The following NFIB variants were observed in gnomAD, a reference collection of about 807,000 sequenced individuals.
NFIB encodes the protein nuclear factor 1 B-type.
Under a neutral mutation model 61.5 loss-of-function variants are expected in NFIB, and 11 were observed. That is an observed-to-expected ratio of 0.18 (90% CI 0.11 to 0.30). The LOEUF is 0.30. Ranked by LOEUF, NFIB falls within the 10% of genes least tolerant of loss-of-function variation. NFIB has a pLI of 1.00. For missense variants in NFIB, 471 were observed against 608.9 expected (o/e 0.77, Z 2.38); for synonymous variants, 260 against 216.5 (o/e 1.20, Z -1.76).
At chr9:14,425,678 G>C in the NFIB span, among the ~76,000 whole-genome samples, 6 of 93,968 alleles carry the variant, frequency 6.4e-5, no homozygotes, top group African/African-American at 2.5e-4. Context: ...CGAGGTATTT[G>C]TTTTCCCTCA....
At chr9:14,490,882 T>C in the NFIB span, among the ~76,000 whole-genome samples, 4 of 152,250 alleles carry the variant, frequency 2.6e-5, no homozygotes, top group Admixed American at 6.5e-5. Flanking sequence ...ATATATATTT[T>C]GTAACCCTAG....
the NFIB span, among the ~76,000 whole-genome samples, chr9:14,459,048 C>A: frequency 6.6e-6 from 1 of 151,966 alleles, no homozygotes; most frequent in Non-Finnish European, 1.5e-5. Context: ...AAAAAGAGCC[C>A]GCATTGCCAA....
intron 2 of NFIB, among the ~76,000 whole-genome samples, chr9:14,220,237 T>C (rs2051474670): frequency 6.6e-6 from 1 of 152,180 alleles, no homozygotes; most frequent in African/African-American, 2.4e-5. Context: ...TTATTATTGA[T>C]AACAAGGACA....
At chr9:14,405,004 T>C in the NFIB span, among the ~76,000 whole-genome samples, 1 of 152,220 alleles carries the variant, frequency 6.6e-6, no homozygotes, top group South Asian at 2.1e-4. Flanking sequence ...GGCATACAAC[T>C]GTACTGTATT....
intron 6 of NFIB, among the ~76,000 whole-genome samples, chr9:14,135,300 C>T (rs562374858): frequency 1.3e-5 from 2 of 152,240 alleles, no homozygotes; most frequent in African/African-American, 4.8e-5. Flanking sequence ...ATATTGAATC[C>T]TGTTAGGTGT....
the NFIB span, among the ~76,000 whole-genome samples, chr9:14,469,480 C>G: frequency 6.6e-5 from 10 of 152,180 alleles, no homozygotes; most frequent in African/African-American, 2.2e-4. Context: ...TTTGCCCATC[C>G]TCTGGTTCTA....
chr9:14,462,155 A>G, the NFIB span, among the ~76,000 whole-genome samples: 5 of 152,382 alleles, frequency 3.3e-5, no homozygotes, highest in African/African-American at 1.2e-4. Context: ...TAAATTAGTC[A>G]AAACATTTTA....
At chr9:14,510,217 G>C in the NFIB span, among the ~76,000 whole-genome samples, 2 of 152,178 alleles carry the variant, frequency 1.3e-5, no homozygotes, top group African/African-American at 4.8e-5. Context: ...TTTTAAATCT[G>C]AGATGTGATT....
At position 14,343,867 on chromosome 9, in the gene NFIB, G is replaced by C. The variant is rs182925362; in HGVS notation, c.109-36347C>G. ...AAGTGTGCCAGAAACCTTATAGAAA[G>C]AGAGCAAAGAACTGAACATGAAGAA... is the stretch of plus-strand genomic sequence containing the variant. On this transcript the variant is annotated intron_variant, in intron 1 of 8. Coordinates refer to the NFIB transcript ENST00000380934. 4.1e-3 allele frequency among the ~76,000 whole-genome samples: 623 copies of C among 152,034 alleles called. 2 individuals are homozygous for C. Among genetic ancestry groups the C allele is most frequent in the African/African-American group, 0.014 (599 of 41,412 alleles).
the NFIB span, among the ~76,000 whole-genome samples, chr9:14,448,900 T>A: frequency 6.6e-6 from 1 of 152,160 alleles, no homozygotes; most frequent in African/African-American, 2.4e-5. Context: ...TAAGTGAGGA[T>A]TGGGAGATAG....
intron 1 of NFIB, among the ~76,000 whole-genome samples, chr9:14,367,447 T>C (rs536563956): frequency 6.6e-6 from 1 of 151,808 alleles, no homozygotes; most frequent in South Asian, 2.1e-4. Context: ...ATCAGAGGTG[T>C]GAAACAGAAG....
In NFIB at chr9:14,150,215, T is replaced by C; in HGVS notation, c.736A>G (p.Ser246Gly). Reference protein sequence around the residue: ...GVNFPIGEIPSQPYYHDMNSG... With the variant: ...GVNFPIGEIPGQPYYHDMNSG... The stretch of plus-strand genomic sequence containing the variant: ...TTCATGTCATGATAGTATGGTTGGC[T>C]TGGGATTTCTCCAATTGGGAAGTTG... The change falls in exon 5 of 11, where the codon AGC (serine) becomes GGC (glycine). Residue 246 changes from serine to glycine, a missense_variant. This residue lies in a region of NFIB where 372 missense variants were observed against 395.6 expected (regional missense o/e 0.94). Coordinates refer to ENST00000380953, the MANE Select transcript of NFIB (RefSeq NM_001190737.2). The C allele has an allele frequency of 6.2e-7, 1 of 1,613,560 alleles. No individual in the cohort carries two copies. The highest frequency in any genetic ancestry group is 2.2e-5 in the East Asian group (1 of 44,856).
intron 1 of NFIB, among the ~76,000 whole-genome samples, chr9:14,312,823 T>C (rs1473534704): frequency 4.6e-5 from 7 of 152,078 alleles, no homozygotes; most frequent in Non-Finnish European, 7.4e-5. Flanking sequence ...TCCTTAACAA[T>C]CACCAAGACC....
At chr9:14,176,216 G>A (rs753042690) in intron 3 of NFIB, among the ~76,000 whole-genome samples, 21 of 149,126 alleles carry the variant, frequency 1.4e-4, no homozygotes, top group Non-Finnish European at 3.1e-4. Flanking sequence ...AACCAAGAGA[G>A]GACATTTTTA....
chr9:14,464,615 G>A, the NFIB span, among the ~76,000 whole-genome samples: 1 of 152,134 alleles, frequency 6.6e-6, no homozygotes, highest in Non-Finnish European at 1.5e-5. Flanking sequence ...TGGCCTCAGG[G>A]GTGAGAGCTT....
At chr9:14,405,367 A>G in the NFIB span, among the ~76,000 whole-genome samples, 1 of 152,338 alleles carries the variant, frequency 6.6e-6, no homozygotes, top group East Asian at 1.9e-4. Context: ...TAATGTGCAC[A>G]TTCATTCCAG....
chr9:14,493,837 C>G, the NFIB span, among the ~76,000 whole-genome samples: 1 of 152,286 alleles, frequency 6.6e-6, no homozygotes, highest in Admixed American at 6.5e-5. Context: ...AAGGTTGTTT[C>G]ACAATATGGG....
rs1181519335 is a variant in NFIB, at chr9:14,082,950, A to G, written c.*5359T>C. ...ATTTAGGCCACCTGTTGTTCCTGGTACTGTATCATGCAATAAGTCATCAAG... is the reference window on the plus strand; with the variant it reads ...ATTTAGGCCACCTGTTGTTCCTGGTGCTGTATCATGCAATAAGTCATCAAG... On this transcript the variant is annotated 3_prime_UTR_variant, in exon 11 of 11. Coordinates refer to ENST00000380953, the MANE Select transcript of NFIB (RefSeq NM_001190737.2). 2 of 207,014 alleles carry G rather than the reference A, an allele frequency of 9.7e-6. No homozygotes were observed. Among genetic ancestry groups the G allele is most frequent in the Non-Finnish European group, 2.0e-5 (2 of 101,350 alleles). 12.8% of individuals were successfully genotyped at this position (207,014 alleles called of 1,614,324 possible).
At chr9:14,294,145 G>A (rs75957324) in intron 2 of NFIB, among the ~76,000 whole-genome samples, 1 of 152,222 alleles carries the variant, frequency 6.6e-6, no homozygotes, top group Non-Finnish European at 1.5e-5. Context: ...GTTCCAAAAG[G>A]GATTAATGTA....
Sources: allele counts gnomAD v4.1 joint callset (sites outside exome capture counted in the v4.1 genomes callset), GRCh38; gene constraint gnomAD v4.1.1; regional missense constraint gnomAD v4.1.1; transcripts MANE v1.5; gene names NCBI Gene and HGNC (gene_info 2026-07-23, HGNC 2026-07-21).